LRBA: variants seen among roughly 807,000 people sequenced by gnomAD.
The protein encoded by LRBA is lipopolysaccharide-responsive and beige-like anchor protein.
In LRBA, 176 loss-of-function variants were observed where a neutral mutation model predicts 330.0. The ratio of observed to expected loss-of-function variants is 0.53; its 90% CI spans 0.47 to 0.60. LRBA has a LOEUF of 0.60. Ranked by LOEUF, LRBA falls within the 20% of genes least tolerant of loss-of-function variation. The probability of loss-of-function intolerance (pLI) is 0.00; values close to 1 mark genes in which losing one functional copy is unlikely to be tolerated. For synonymous variants in LRBA, 1,230 were observed against 1,193.0 expected, an observed-to-expected ratio of 1.03 and a Z score of -0.64; for missense variants, 3,259 against 3,444.8, an observed-to-expected ratio of 0.95 and a Z score of 1.35.
At chr4:150,303,196 AAAAGT>A (rs1729897902) in intron 52 of LRBA, among the ~76,000 whole-genome samples, 1 of 152,200 alleles carries the variant, frequency 6.6e-6, no homozygotes, top group Non-Finnish European at 1.5e-5. Context: ...GCTTTTCTGT[AAAAGT>A]ACTCATAATT....
intron 37 of LRBA, among the ~76,000 whole-genome samples, chr4:150,603,425 C>G (rs978858863): frequency 6.6e-6 from 1 of 152,140 alleles, no homozygotes; most frequent in South Asian, 2.1e-4. Context: ...TGTATACACA[C>G]ACCTTTAATA....
intron 40 of LRBA, among the ~76,000 whole-genome samples, chr4:150,576,517 T>C (rs1193759619): frequency 6.6e-6 from 1 of 151,918 alleles, no homozygotes; most frequent in African/African-American, 2.4e-5. Context: ...TTACTTTAAT[T>C]TTCCTGAGCA....
chr4:150,587,661 G>T (rs1200866237), intron 40 of LRBA, among the ~76,000 whole-genome samples: 1 of 152,088 alleles, frequency 6.6e-6, no homozygotes, highest in African/African-American at 2.4e-5. Context: ...CAAGGAGAGT[G>T]ATATATTGGC....
chr4:150,461,605 A>G (rs1445869459), intron 44 of LRBA, among the ~76,000 whole-genome samples: 1 of 151,844 alleles, frequency 6.6e-6, no homozygotes, highest in Non-Finnish European at 1.5e-5. Context: ...ATTACCACAC[A>G]CAAAACACTT....
intron 37 of LRBA, among the ~76,000 whole-genome samples, chr4:150,672,378 T>C (rs1354949749): frequency 1.3e-5 from 2 of 151,892 alleles, no homozygotes; most frequent in African/African-American, 2.4e-5. Context: ...AGATACTCTC[T>C]GTTGACAGTG....
intron 44 of LRBA, among the ~76,000 whole-genome samples, chr4:150,448,528 G>A (rs548760065): frequency 1.8e-4 from 27 of 152,146 alleles, no homozygotes; most frequent in Non-Finnish European, 3.7e-4. Context: ...AAGGCCGGGC[G>A]TGGCGGCTCA....
chr4:150,963,542 C>T (rs1019319546), intron 2 of LRBA, among the ~76,000 whole-genome samples: 1 of 149,544 alleles, frequency 6.7e-6, no homozygotes, highest in Non-Finnish European at 1.5e-5. Context: ...CTACAACCTC[C>T]ACCTCCCAGC....
intron 34 of LRBA, among the ~76,000 whole-genome samples, chr4:150,783,018 T>C (rs1401731872): frequency 2.0e-5 from 3 of 152,166 alleles, no homozygotes; most frequent in African/African-American, 7.2e-5. Flanking sequence ...TGTCAGAAAT[T>C]CAGCTTAATT....
chr4:150,612,224 A>G (rs1775346344), intron 37 of LRBA, among the ~76,000 whole-genome samples: 1 of 152,206 alleles, frequency 6.6e-6, no homozygotes, highest in African/African-American at 2.4e-5. Context: ...GTCACCCTCC[A>G]TAGCATAACA....
rs113709030 is a variant in LRBA, at chr4:150,613,817, C to A, written c.5922-14686G>T. Among the ~76,000 whole-genome samples, 190 of 152,314 alleles carry A rather than the reference C, an allele frequency of 1.2e-3. 3 individuals are homozygous for A. Among genetic ancestry groups the A allele is most frequent in the African/African-American group, 4.5e-3 (186 of 41,566 alleles). On this transcript the variant is annotated intron_variant, in intron 37 of 56. Transcript: ENST00000651943. ...CATTCCTAGCCCTGATGAATTGATT[C>A]TTGGGTCTGTATCTGAAACCTTGGC...
chr4:150,531,295 T>G (rs1764030019), intron 40 of LRBA, among the ~76,000 whole-genome samples: 1 of 152,206 alleles, frequency 6.6e-6, no homozygotes, highest in Non-Finnish European at 1.5e-5. Context: ...CAATCCCACT[T>G]TGCTGATTTT....
At chr4:150,268,802 T>A (rs950713352) in intron 56 of LRBA, among the ~76,000 whole-genome samples, 7 of 152,318 alleles carry the variant, frequency 4.6e-5, no homozygotes, top group African/African-American at 1.7e-4. Context: ...CCACACTCGA[T>A]GAAAAAAAGT....
At chr4:150,893,588 G>C (rs1003060115) in intron 16 of LRBA, among the ~76,000 whole-genome samples, 8 of 152,192 alleles carry the variant, frequency 5.3e-5, no homozygotes, top group African/African-American at 1.9e-4. Context: ...GGCCTTAAGT[G>C]ATCTGCCTAC....
chr4:150,954,409 T>C (rs1208897729), intron 2 of LRBA, among the ~76,000 whole-genome samples: 29 of 152,268 alleles, frequency 1.9e-4, no homozygotes, highest in South Asian at 1.2e-3. Flanking sequence ...GACTCCATTT[T>C]GTTCTGTACT....
At chr4:150,989,008 G>GT (rs1464778179) in intron 2 of LRBA, among the ~76,000 whole-genome samples, 1 of 151,442 alleles carries the variant, frequency 6.6e-6, no homozygotes, top group Non-Finnish European at 1.5e-5. Context: ...TTTTGTTGTT[G>GT]TTTTTTTGTT....
intron 40 of LRBA, among the ~76,000 whole-genome samples, chr4:150,540,669 T>C (rs1362552200): frequency 6.6e-6 from 1 of 152,226 alleles, no homozygotes; most frequent in Non-Finnish European, 1.5e-5. Flanking sequence ...GTGTTTTTCC[T>C]TTATAACTTT....
chr4:150,495,379 G>C (rs910919658), intron 40 of LRBA, among the ~76,000 whole-genome samples: 1 of 152,014 alleles, frequency 6.6e-6, no homozygotes, highest in African/African-American at 2.4e-5. Context: ...TTAAAACTTA[G>C]AGAAGAAAAA....
chr4:150,689,873 C>T (rs1282220012), intron 36 of LRBA, among the ~76,000 whole-genome samples: 3 of 151,130 alleles, frequency 2.0e-5, no homozygotes, highest in Admixed American at 6.6e-5. Flanking sequence ...TGCAGCAAGC[C>T]GAGATTGTGC....
At chr4:150,479,927 C>G (rs1024446881) in intron 42 of LRBA, among the ~76,000 whole-genome samples, 3 of 152,156 alleles carry the variant, frequency 2.0e-5, no homozygotes, top group Non-Finnish European at 2.9e-5. Context: ...AACATCCTAG[C>G]TGATGTTTGT....
Sources: allele counts gnomAD v4.1 joint callset (sites outside exome capture counted in the v4.1 genomes callset), GRCh38; gene constraint gnomAD v4.1.1; transcripts MANE v1.5; gene names NCBI Gene and HGNC (gene_info 2026-07-23, HGNC 2026-07-21).